B3GNT3: variants seen among roughly 807,000 people sequenced by gnomAD.
The protein encoded by B3GNT3 is N-acetyllactosaminide beta-1,3-N-acetylglucosaminyltransferase 3.
B3GNT3 carries 7 observed loss-of-function variants against 11.6 expected under a neutral mutation model. The ratio of observed to expected loss-of-function variants is 0.60; its 90% CI spans 0.34 to 1.13. B3GNT3 has a LOEUF of 1.13. Among genes scored for constraint, B3GNT3 ranks in the 50% most tolerant of loss-of-function variants. The pLI is 0.03. For synonymous variants in B3GNT3, 201 were observed against 222.1 expected (o/e 0.90, Z 0.85); for missense variants, 400 against 507.4 (o/e 0.79, Z 2.03).
chr19:17,797,926 G>T (rs2094161339), intron 1 of B3GNT3, among the ~76,000 whole-genome samples: 1 of 152,190 alleles, frequency 6.6e-6, no homozygotes, highest in East Asian at 1.9e-4. Flanking sequence ...GTAAGAACTG[G>T]TGAGGAACCA....
chr19:17,812,901 G>T lies in B3GNT3; in HGVS notation c.*779G>T. On this transcript the variant is annotated 3_prime_UTR_variant, in exon 3 of 3. Transcript: ENST00000318683. ...TATGCCTCACTACTGCCTGGAGAAG[G>T]GAGAGATTCAGGTCCTCCAGCAGCC... 1 of 147,008 alleles carries T rather than the reference G, an allele frequency of 6.8e-6. No homozygotes were observed. The allele number at this position is 147,008 out of a possible 1,614,324, so 9.1% of individuals were successfully genotyped here.
At chr19:17,796,173 C>T (rs1016420929) in intron 1 of B3GNT3, among the ~76,000 whole-genome samples, 2 of 152,242 alleles carry the variant, frequency 1.3e-5, no homozygotes, top group East Asian at 3.9e-4. Context: ...TCACTGCAGC[C>T]TCAACCTCCT....
At chr19:17,809,099 G>T (rs1264556320) in intron 2 of B3GNT3, among the ~76,000 whole-genome samples, 1 of 152,116 alleles carries the variant, frequency 6.6e-6, no homozygotes, top group Non-Finnish European at 1.5e-5. Flanking sequence ...CTCCCAAAGT[G>T]CTGGGATTAC....
At chr19:17,801,632 C>T (rs1316178167) in intron 1 of B3GNT3, among the ~76,000 whole-genome samples, 8 of 151,894 alleles carry the variant, frequency 5.3e-5, no homozygotes, top group East Asian at 3.9e-4. Flanking sequence ...TACAGGTGCA[C>T]GCCACCACAC....
At chr19:17,799,301 C>G (rs1318105870) in intron 1 of B3GNT3, among the ~76,000 whole-genome samples, 2 of 128,108 alleles carry the variant, frequency 1.6e-5, no homozygotes, top group Non-Finnish European at 1.6e-5. Context: ...GAGATGGAGT[C>G]TCATTTACCC....
In B3GNT3 at chr19:17,807,961, C is replaced by T. The variant is rs1415865664; in HGVS notation, c.154C>T (p.Pro52Ser). The change falls in exon 2 of 3, where the codon CCA (proline) becomes TCA (serine). Residue 52 changes from proline to serine, a missense_variant. By Grantham distance (74) the Pro-to-Ser change is moderately conservative. Transcript: ENST00000318683. ...CCCCGAGGCCCTGGCCTGGCCCACT[C>T]CACCCACCCGCCCAGCCCCGGCCCC... ...AIPEALAWPT[P>S]PTRPAPAPCH... 1.2e-6 allele frequency: 2 copies of T among 1,611,294 alleles called. No individual in the cohort carries two copies. The highest frequency in any genetic ancestry group is 2.2e-5 in the East Asian group (1 of 44,796).
intron 1 of B3GNT3, among the ~76,000 whole-genome samples, chr19:17,804,581 A>G (rs574156446): frequency 1.8e-5 from 2 of 108,240 alleles, no homozygotes; most frequent in Non-Finnish European, 3.4e-5. Flanking sequence ...TCTGTTGCCC[A>G]GGCTGGAGTG....
chr19:17,810,582 G>A (rs2094179369), intron 2 of B3GNT3, among the ~76,000 whole-genome samples: 1 of 151,246 alleles, frequency 6.6e-6, no homozygotes, highest in South Asian at 2.1e-4. Flanking sequence ...GGGAGAGGGG[G>A]ATGTTAACAA....
At chr19:17,809,930 A>G (rs1307975551) in intron 2 of B3GNT3, among the ~76,000 whole-genome samples, 1 of 152,132 alleles carries the variant, frequency 6.6e-6, no homozygotes, top group Non-Finnish European at 1.5e-5. Context: ...TAGGAGGTAC[A>G]GACAGGCCTG....
chr19:17,804,533 C>CTTTTTTTTTTTTTT lies in B3GNT3; in HGVS notation c.-50-3216_-50-3203dup, dbSNP rs67513010. Among the ~76,000 whole-genome samples, 7 of 57,014 alleles carry CTTTTTTTTTTTTTT rather than the reference C, an allele frequency of 1.2e-4. 1 individual carries two copies. The highest frequency in any genetic ancestry group is 3.3e-4 in the African/African-American group (4 of 12,050). 37.4% of individuals were successfully genotyped at this position (57,014 alleles called of 152,430 possible). On this transcript the variant is annotated intron_variant, in intron 1 of 2. Coordinates refer to ENST00000318683, the MANE Select transcript of B3GNT3 (RefSeq NM_014256.4). ...TACAGGCGTGAGCCACCGTGCCCAG[C>CTTTTTTTTTTTTTT]TTTTTTTTTTTTTTTTTTTTTTGAG...
At chr19:17,803,181 T>C (rs1297094175) in intron 1 of B3GNT3, among the ~76,000 whole-genome samples, 10 of 152,104 alleles carry the variant, frequency 6.6e-5, no homozygotes, top group Middle Eastern at 3.4e-3. Context: ...AATTTTTGTA[T>C]TTTTAGTAGA....
chr19:17,809,049 A>G (rs1298314926), intron 2 of B3GNT3, among the ~76,000 whole-genome samples: 1 of 151,876 alleles, frequency 6.6e-6, no homozygotes, highest in Non-Finnish European at 1.5e-5. Flanking sequence ...GGCCAGGGTA[A>G]TCTCGAACTC....
At position 17,805,935 on chromosome 19, in the gene B3GNT3, C is replaced by T. The variant is rs191443410; in HGVS notation, c.-50-1823C>T. 5.5e-3 allele frequency among the ~76,000 whole-genome samples: 830 copies of T among 151,900 alleles called. 7 individuals are homozygous for T. Among genetic ancestry groups the T allele is most frequent in the Non-Finnish European group, 8.0e-3 (545 of 67,956 alleles). On this transcript the variant is annotated intron_variant, in intron 1 of 2. Transcript: ENST00000318683. ...ACCTCAGCCTCCCAAGTAACTGAGA[C>T]CTCAAGCACATGCTACCACAGCCTG...
At position 17,812,405 on chromosome 19, in the gene B3GNT3, T is replaced by A; in HGVS notation, c.*283T>A. On this transcript the variant is annotated 3_prime_UTR_variant, in exon 3 of 3. Coordinates refer to ENST00000318683, the MANE Select transcript of B3GNT3 (RefSeq NM_014256.4). ...GAAGTGCCTGTGCTAGAGTTCCAAC[T>A]GTGGATGCATCCGTCCCGTTTGAGT... The A allele has an allele frequency of 2.4e-6, 1 of 410,978 alleles. No homozygotes were observed. The highest frequency in any genetic ancestry group is 3.3e-5 in the South Asian group (1 of 29,920). 25.5% of individuals were successfully genotyped at this position (410,978 alleles called of 1,614,324 possible).
At chr19:17,800,570 TGA>T (rs1242621267) in intron 1 of B3GNT3, among the ~76,000 whole-genome samples, 1 of 152,194 alleles carries the variant, frequency 6.6e-6, no homozygotes, top group Non-Finnish European at 1.5e-5. Flanking sequence ...TAATTTTCAA[TGA>T]GTCATTAATA....
In B3GNT3 at chr19:17,803,891, G is replaced by A. The variant is rs189881848; in HGVS notation, c.-50-3867G>A. Among the ~76,000 whole-genome samples the A allele has an allele frequency of 3.3e-5, 5 of 152,108 alleles. No homozygotes were observed. In the East Asian group the frequency reaches 9.6e-4, roughly 29 times the overall value. Reference sequence around the variant, plus strand: ...AAAAAATTTTTAATTAGCTGGCAAGGTGGCTTATGTCTGTAATCCCAGCGC... The same window carrying A: ...AAAAAATTTTTAATTAGCTGGCAAGATGGCTTATGTCTGTAATCCCAGCGC... On this transcript the variant is annotated intron_variant, in intron 1 of 2. Coordinates refer to ENST00000318683, the MANE Select transcript of B3GNT3 (RefSeq NM_014256.4).
At chr19:17,800,967 T>A (rs926424632) in intron 1 of B3GNT3, among the ~76,000 whole-genome samples, 1 of 151,806 alleles carries the variant, frequency 6.6e-6, no homozygotes, top group South Asian at 2.1e-4. Context: ...AGAGGCTCTA[T>A]CTAAAATATA....
rs2147654735 is a variant in B3GNT3 at position 17,810,034 on chromosome 19, G to T, written c.568-1537G>T. Among the ~76,000 whole-genome samples, 3 of 152,234 alleles carry T rather than the reference G, an allele frequency of 2.0e-5. No individual in the cohort carries two copies. In the Middle Eastern group the frequency reaches 0.01, roughly 518 times the overall value. ...TTCCCTCATCTGTAAATAAGATAGAGGACCACTTCTGCCTCCTAAGGGTGC... is the reference window on the plus strand; with the variant it reads ...TTCCCTCATCTGTAAATAAGATAGATGACCACTTCTGCCTCCTAAGGGTGC... On this transcript the variant is annotated intron_variant, in intron 2 of 2. Transcript: ENST00000318683.
intron 1 of B3GNT3, among the ~76,000 whole-genome samples, chr19:17,800,140 C>T (rs1383909133): frequency 4.0e-5 from 6 of 151,696 alleles, no homozygotes; most frequent in Admixed American, 2.0e-4. Flanking sequence ...TTTGGGAGGC[C>T]GAGGCGGGCA....
Sources: gnomAD v4.1 joint callset for allele counts (sites outside exome capture counted in the v4.1 genomes callset) on GRCh38, gnomAD v4.1.1 for gene constraint, MANE v1.5 for transcripts, NCBI Gene and HGNC (gene_info 2026-07-23, HGNC 2026-07-21) for gene names.